Variants in ARHGAP31 observed in about 807,000 individuals in gnomAD.
ARHGAP31 encodes the protein rho GTPase-activating protein 31.
A neutral mutation model predicts 113.9 loss-of-function variants in ARHGAP31; 34 were observed. The observed-to-expected ratio is 0.30, with a 90% CI of 0.23 to 0.40. ARHGAP31 has a LOEUF of 0.40. Among genes scored for constraint, ARHGAP31 ranks in the 10% least tolerant of loss-of-function variants. The pLI is 1.00. For synonymous variants in ARHGAP31, 650 were observed against 684.8 expected (o/e 0.95, Z 0.79); for missense variants, 1,548 against 1,767.1 (o/e 0.88, Z 2.22).
At chr3:119,345,765 C>T (rs2080050954) in intron 1 of ARHGAP31, among the ~76,000 whole-genome samples, 1 of 152,182 alleles carries the variant, frequency 6.6e-6, no homozygotes, top group African/African-American at 2.4e-5. Flanking sequence ...CTTCCTGGCT[C>T]TGTCCCTCTT....
chr3:119,379,655 A>G (rs763755725), intron 3 of ARHGAP31, among the ~76,000 whole-genome samples: 5 of 152,298 alleles, frequency 3.3e-5, no homozygotes, highest in African/African-American at 4.8e-5. Context: ...AGTTTCCAGC[A>G]CTGGTAGGAA....
At chr3:119,298,009 C>T (rs2079548406) in intron 1 of ARHGAP31, among the ~76,000 whole-genome samples, 1 of 152,120 alleles carries the variant, frequency 6.6e-6, no homozygotes, top group Non-Finnish European at 1.5e-5. Context: ...GTGATCACCC[C>T]TCACTGGCTA....
intron 1 of ARHGAP31, among the ~76,000 whole-genome samples, chr3:119,350,258 C>G (rs944414132): frequency 2.6e-5 from 4 of 152,066 alleles, no homozygotes; most frequent in Non-Finnish European, 5.9e-5. Flanking sequence ...ACCAAGGCTT[C>G]CAAGCAAAGC....
intron 1 of ARHGAP31, among the ~76,000 whole-genome samples, chr3:119,321,198 A>C (rs2079780695): frequency 6.6e-6 from 1 of 150,612 alleles, no homozygotes; most frequent in African/African-American, 2.4e-5. Context: ...TTAGTGGAAA[A>C]ATTGCTCAAG....
Position 119,313,291 on chromosome 3 carries a change from T to C in ARHGAP31, c.100+18287T>C, listed in dbSNP as rs137989318. The stretch of plus-strand genomic sequence containing the variant: ...AATCCTTCCAAAGATATTTTGTGTA[T>C]ATACAAGCAAATATACATATGTTTT... On this transcript the variant is annotated intron_variant, in intron 1 of 11. Transcript: ENST00000264245. 1.2e-4 allele frequency among the ~76,000 whole-genome samples: 18 copies of C among 152,360 alleles called. No homozygotes were observed. The East Asian group carries it at 3.5e-3, about 29-fold the overall frequency.
Position 119,374,578 on chromosome 3 carries a change from G to A in ARHGAP31, c.348+6062G>A, listed in dbSNP as rs567907386. 3.3e-5 allele frequency among the ~76,000 whole-genome samples: 5 copies of A among 152,254 alleles called. No homozygotes were observed. In the South Asian group the frequency reaches 1.0e-3, roughly 32 times the overall value. On this transcript the variant is annotated intron_variant, in intron 3 of 11. Transcript: ENST00000264245. ...CCTGGTGGGAGTGATTGGATCGTGG[G>A]GGCAGTTTTCCCTCATGCTGTTCTC...
intron 1 of ARHGAP31, among the ~76,000 whole-genome samples, chr3:119,346,094 T>C (rs1048016680): frequency 2.0e-5 from 3 of 152,162 alleles, no homozygotes; most frequent in Non-Finnish European, 4.4e-5. Context: ...TCTCCTCAAC[T>C]TCCATCTCCT....
chr3:119,298,866 T>C (rs1559958817), intron 1 of ARHGAP31: 1 of 224,282 alleles, frequency 4.5e-6, no homozygotes, highest in Middle Eastern at 1.9e-3. Flanking sequence ...TCCGAAGTTG[T>C]ATGTAAAGCT....
intron 1 of ARHGAP31, among the ~76,000 whole-genome samples, chr3:119,325,691 C>T (rs2079835348): frequency 1.3e-5 from 2 of 152,276 alleles, no homozygotes; most frequent in South Asian, 4.1e-4. Context: ...ATGACTTAGC[C>T]TGAAGGCAGG....
chr3:119,346,655 T>A (rs2080059998), intron 1 of ARHGAP31, among the ~76,000 whole-genome samples: 1 of 152,232 alleles, frequency 6.6e-6, no homozygotes, highest in Non-Finnish European at 1.5e-5. Flanking sequence ...TAAGGGTGTG[T>A]CTAAGCTTAA....
chr3:119,341,797 CA>C (rs2080010051), intron 1 of ARHGAP31: 1 of 151,530 alleles, frequency 6.6e-6, no homozygotes, highest in Non-Finnish European at 1.5e-5. Flanking sequence ...TGCTACCTCT[CA>C]GGGGTCTGCC....
At chr3:119,325,239 TA>T (rs2079830744) in intron 1 of ARHGAP31, among the ~76,000 whole-genome samples, 1 of 152,246 alleles carries the variant, frequency 6.6e-6, no homozygotes, top group Non-Finnish European at 1.5e-5. Flanking sequence ...AATTCTTACT[TA>T]GTTGTGTGGG....
intron 1 of ARHGAP31, among the ~76,000 whole-genome samples, chr3:119,337,159 G>C (rs1168402042): frequency 6.6e-6 from 1 of 152,214 alleles, no homozygotes; most frequent in Non-Finnish European, 1.5e-5. Context: ...TGAAGCCGCG[G>C]ACCCTGGCAG....
chr3:119,382,829 C>A (rs186524467), intron 5 of ARHGAP31, among the ~76,000 whole-genome samples: 1 of 152,278 alleles, frequency 6.6e-6, no homozygotes, highest in East Asian at 1.9e-4. Context: ...AAACAAAAGT[C>A]AATTTCTGTA....
At chr3:119,296,446 G>A (rs1263569210) in intron 1 of ARHGAP31, among the ~76,000 whole-genome samples, 3 of 152,098 alleles carry the variant, frequency 2.0e-5, no homozygotes, top group East Asian at 1.9e-4. Flanking sequence ...AACCACTATC[G>A]TCAGAAGTTT....
chr3:119,297,126 A>G (rs910765586), intron 1 of ARHGAP31, among the ~76,000 whole-genome samples: 2 of 152,266 alleles, frequency 1.3e-5, no homozygotes, highest in African/African-American at 4.8e-5. Flanking sequence ...CATGCATAAT[A>G]TACTGCTTAT....
rs1553768699 is a variant in ARHGAP31, at chr3:119,419,549, A to T, written c.*3285A>T. 1 of 152,188 alleles carries T rather than the reference A, an allele frequency of 6.6e-6. No individual in the cohort carries two copies. 9.4% of individuals were successfully genotyped at this position (152,188 alleles called of 1,614,324 possible). Reference sequence around the variant, plus strand: ...TACCTTAGCACTCCCAAATCATTCAAGAGTCTAGTGAAAAAGGGGGAGGGA... The same window carrying T: ...TACCTTAGCACTCCCAAATCATTCATGAGTCTAGTGAAAAAGGGGGAGGGA... On this transcript the variant is annotated 3_prime_UTR_variant, in exon 12 of 12. Transcript: ENST00000264245.
rs372951577 is a variant in ARHGAP31 at position 119,414,998 on chromosome 3, G to A, written c.3069G>A (p.Lys1023=). 9.6e-5 allele frequency: 155 copies of A among 1,614,178 alleles called. No homozygotes were observed. In the Middle Eastern group the frequency reaches 9.9e-4, roughly 10 times the overall value. ...GGGCAGAGGCTCCTCCCAACCAGAA[G>A]GGACCAAGTGGTGTGCAACCCAACC... The part of the protein sequence containing the change: ...LKGAEAPPNQ[K]GPSGVQPNPA... Residue 1023 remains lysine, a synonymous_variant, in exon 12 of 12, where the codon AAG becomes AAA. Coordinates refer to ENST00000264245, the MANE Select transcript of ARHGAP31 (RefSeq NM_020754.4).
chr3:119,380,321 G>A (rs1215719439), intron 3 of ARHGAP31, among the ~76,000 whole-genome samples: 1 of 152,160 alleles, frequency 6.6e-6, no homozygotes, highest in African/African-American at 2.4e-5. Flanking sequence ...AGCTGGCTGA[G>A]TGGACTTGGT....
Sources: allele counts gnomAD v4.1 joint callset (sites outside exome capture counted in the v4.1 genomes callset), GRCh38; gene constraint gnomAD v4.1.1; transcripts MANE v1.5; gene names NCBI Gene and HGNC (gene_info 2026-07-23, HGNC 2026-07-21).